Variants in PAK5 observed in about 807,000 individuals in gnomAD.
The protein encoded by PAK5 is p21 (RAC1) activated kinase 5, also known as serine/threonine-protein kinase PAK 5.
A neutral mutation model predicts 65.9 loss-of-function variants in PAK5; 16 were observed. The ratio of observed to expected loss-of-function variants is 0.24; its 90% confidence interval spans 0.16 to 0.37. The LOEUF is 0.37. Ranked by LOEUF, PAK5 falls within the 10% of genes least tolerant of loss-of-function variation. The pLI is 1.00. For missense variants in PAK5, 785 were observed against 903.9 expected (o/e 0.87, Z 1.69); for synonymous variants, 371 against 354.9 (o/e 1.05, Z -0.51).
At chr20:9,774,074 C>G (rs1319155450) in intron 1 of PAK5, among the ~76,000 whole-genome samples, 1 of 152,192 alleles carries the variant, frequency 6.6e-6, no homozygotes, top group Non-Finnish European at 1.5e-5. Flanking sequence ...GACCCGCTTA[C>G]TATGGTAAAT....
chr20:9,640,656 C>T (rs901000757), intron 3 of PAK5, among the ~76,000 whole-genome samples: 6 of 152,284 alleles, frequency 3.9e-5, no homozygotes, highest in African/African-American at 1.4e-4. Flanking sequence ...TAAAGTGGCA[C>T]GTCTGGAGTC....
intron 3 of PAK5, among the ~76,000 whole-genome samples, chr20:9,595,439 C>T (rs1260238108): frequency 6.6e-6 from 1 of 152,106 alleles, no homozygotes; most frequent in Non-Finnish European, 1.5e-5. Context: ...AGCACAAACC[C>T]TTGTACCAAC....
chr20:9,718,454 A>T (rs1047784111), intron 1 of PAK5, among the ~76,000 whole-genome samples: 9 of 152,106 alleles, frequency 5.9e-5, no homozygotes, highest in Admixed American at 5.9e-4. Context: ...AGCAGGTTTG[A>T]TACATGGTCT....
intron 1 of PAK5, among the ~76,000 whole-genome samples, chr20:9,787,456 T>G (rs1450102899): frequency 6.6e-6 from 1 of 152,164 alleles, no homozygotes; most frequent in African/African-American, 2.4e-5. Flanking sequence ...CCAATACAGC[T>G]TCAGTCATCC....
chr20:9,699,939 C>A (rs572559984), intron 2 of PAK5, among the ~76,000 whole-genome samples: 52 of 152,270 alleles, frequency 3.4e-4, no homozygotes, highest in African/African-American at 1.2e-3. Context: ...TACCCCTGAG[C>A]TGCAAAAGGA....
intron 7 of PAK5, among the ~76,000 whole-genome samples, chr20:9,546,783 T>A (rs1437951290): frequency 6.6e-6 from 1 of 152,182 alleles, no homozygotes; most frequent in African/African-American, 2.4e-5. Context: ...TAGTTTCAGG[T>A]TGAGTCAGTG....
intron 3 of PAK5, among the ~76,000 whole-genome samples, chr20:9,585,520 T>C (rs2046054205): frequency 6.6e-6 from 1 of 152,260 alleles, no homozygotes. Flanking sequence ...TGCATATTTC[T>C]ATCGTGCGCT....
intron 2 of PAK5, among the ~76,000 whole-genome samples, chr20:9,672,823 G>A (rs1248706171): frequency 6.6e-6 from 1 of 152,110 alleles, no homozygotes; most frequent in Non-Finnish European, 1.5e-5. Context: ...CAGATAGGAA[G>A]TATAGATACA....
At chr20:9,823,225 C>T (rs917333454) in intron 1 of PAK5, among the ~76,000 whole-genome samples, 1 of 152,106 alleles carries the variant, frequency 6.6e-6, no homozygotes, top group Non-Finnish European at 1.5e-5. Context: ...GAGGAGAAGC[C>T]CTTTCCAGAC....
intron 3 of PAK5, among the ~76,000 whole-genome samples, chr20:9,641,161 C>G (rs1364568880): frequency 6.6e-6 from 1 of 152,012 alleles, no homozygotes; most frequent in Non-Finnish European, 1.5e-5. Flanking sequence ...TTTCGACACA[C>G]AGGTTCTCCA....
rs141369837 is a variant in PAK5 at position 9,551,632 on chromosome 20, T to A, written c.1743+5976A>T. ...TGCATGCACTCTAAAGAATTCTGTG[T>A]CTGCTCTAGGGTCTTGGCTAATGCA... On this transcript the variant is annotated intron_variant, in intron 7 of 9. Transcript: ENST00000353224. Among the ~76,000 whole-genome samples, 401 of 152,306 alleles carry A rather than the reference T, an allele frequency of 2.6e-3. 2 individuals are homozygous for A. The highest frequency in any genetic ancestry group is 9.0e-3 in the African/African-American group (372 of 41,554).
intron 2 of PAK5, among the ~76,000 whole-genome samples, chr20:9,681,866 C>T (rs1278131936): frequency 6.6e-6 from 1 of 152,100 alleles, no homozygotes; most frequent in Non-Finnish European, 1.5e-5. Flanking sequence ...GAAAAATACC[C>T]TGTTTTTGTT....
At chr20:9,559,509 AT>A (rs1016411879) in intron 6 of PAK5, among the ~76,000 whole-genome samples, 2 of 152,130 alleles carry the variant, frequency 1.3e-5, no homozygotes, top group African/African-American at 4.8e-5. Flanking sequence ...CTCAAGGAGG[AT>A]TTGGCCTTTG....
intron 3 of PAK5, among the ~76,000 whole-genome samples, chr20:9,598,404 G>A (rs1183547316): frequency 6.6e-6 from 1 of 152,170 alleles, no homozygotes; most frequent in African/African-American, 2.4e-5. Flanking sequence ...ATTGCAGATA[G>A]TGCTGTAAGA....
At chr20:9,703,341 G>GGTC in intron 2 of PAK5, among the ~76,000 whole-genome samples, 1 of 152,304 alleles carries the variant, frequency 6.6e-6, no homozygotes, top group East Asian at 1.9e-4. Flanking sequence ...CATATGCTAA[G>GGTC]AATGACCCTG....
intron 4 of PAK5, among the ~76,000 whole-genome samples, chr20:9,576,970 G>A (rs1482150377): frequency 1.3e-5 from 2 of 152,196 alleles, no homozygotes; most frequent in African/African-American, 2.4e-5. Context: ...GACACAAGTA[G>A]GTGGCTGCCT....
chr20:9,786,302 G>C (rs1370971859), intron 1 of PAK5, among the ~76,000 whole-genome samples: 1 of 152,056 alleles, frequency 6.6e-6, no homozygotes, highest in Admixed American at 6.6e-5. Flanking sequence ...AGGGTACCCA[G>C]TTCACAGTAT....
chr20:9,700,178 G>A (rs1313249161), intron 2 of PAK5, among the ~76,000 whole-genome samples: 5 of 152,152 alleles, frequency 3.3e-5, no homozygotes, highest in African/African-American at 1.2e-4. Context: ...TTGGGAGGCT[G>A]AGGTGGGAGG....
intron 1 of PAK5, among the ~76,000 whole-genome samples, chr20:9,802,349 G>A (rs1048319976): frequency 6.6e-6 from 1 of 152,114 alleles, no homozygotes; most frequent in Non-Finnish European, 1.5e-5. Context: ...TGGAAGAAGA[G>A]ACAGTGACGG....
Sources: allele counts gnomAD v4.1 joint callset (sites outside exome capture counted in the v4.1 genomes callset), GRCh38; gene constraint gnomAD v4.1.1; transcripts MANE v1.5; gene names NCBI Gene and HGNC (gene_info 2026-07-23, HGNC 2026-07-21).